Variants in FHIP1A observed in about 807,000 individuals in gnomAD.
FHIP1A encodes the protein FHF complex subunit HOOK-interacting protein 1A.
In FHIP1A, 61 loss-of-function variants were observed where a neutral mutation model predicts 88.6. That is an observed-to-expected ratio of 0.69 (90% CI 0.56 to 0.85). The LOEUF (loss-of-function observed/expected upper bound fraction) is 0.85, where lower values mean the gene tolerates loss of function less well. FHIP1A is among the 40% of genes least tolerant of loss of function. The pLI is 0.00. For synonymous variants in FHIP1A, 478 were observed against 496.0 expected (o/e 0.96, Z 0.48); for missense variants, 1,154 against 1,273.5 (o/e 0.91, Z 1.43).
chr4:151,586,516 C>T (rs1734219638), intron 5 of FHIP1A, 125 bp from the exon 6 acceptor site: 3 of 737,924 alleles, frequency 4.1e-6, no homozygotes, highest in Non-Finnish European at 4.3e-6. Flanking sequence ...GCTCTTATAC[C>T]TTTAATACCT....
At chr4:151,495,940 C>T (rs544072832) in intron 3 of FHIP1A, among the ~76,000 whole-genome samples, 1 of 152,116 alleles carries the variant, frequency 6.6e-6, no homozygotes, top group East Asian at 1.9e-4. Flanking sequence ...TCTTTTCTTA[C>T]AATGATTATA....
intron 1 of FHIP1A, among the ~76,000 whole-genome samples, chr4:151,421,225 T>A (rs1252555441): frequency 2.6e-5 from 4 of 152,206 alleles, no homozygotes; most frequent in Non-Finnish European, 5.9e-5. Flanking sequence ...AGCTGTGTGT[T>A]CCCAGGAAAT....
intron 3 of FHIP1A, among the ~76,000 whole-genome samples, chr4:151,551,204 G>A (rs1022525809): frequency 1.3e-5 from 2 of 152,144 alleles, no homozygotes; most frequent in Non-Finnish European, 2.9e-5. Context: ...TGGACAAAAG[G>A]TCATCAGATA....
At chr4:151,583,337 T>A (rs939652868) in intron 5 of FHIP1A, among the ~76,000 whole-genome samples, 2 of 152,260 alleles carry the variant, frequency 1.3e-5, no homozygotes, top group Non-Finnish European at 2.9e-5. Flanking sequence ...TGGCAGGACT[T>A]CTTATTCAGC....
chr4:151,475,571 A>G (rs1729668881), intron 2 of FHIP1A, among the ~76,000 whole-genome samples: 1 of 152,016 alleles, frequency 6.6e-6, no homozygotes, highest in Admixed American at 6.6e-5. Flanking sequence ...TGAGGTGAGA[A>G]CAAGCTTGGT....
intron 7 of FHIP1A, among the ~76,000 whole-genome samples, chr4:151,592,279 C>T (rs1177198358): frequency 2.0e-5 from 3 of 152,068 alleles, no homozygotes; most frequent in South Asian, 2.1e-4. Context: ...GGACCACAGG[C>T]GCCCGCCACC....
At position 151,578,094 on chromosome 4, in the gene FHIP1A, G is replaced by A. The variant is rs1733875413; in HGVS notation, c.732+18G>A. The A allele has an allele frequency of 1.9e-6, 3 of 1,540,358 alleles. No individual in the cohort carries two copies. The highest frequency in any genetic ancestry group is 1.4e-5 in the African/African-American group (1 of 72,390). On this transcript the variant is annotated intron_variant, in intron 5 of 13. Coordinates refer to ENST00000435205, the MANE Select transcript of FHIP1A (RefSeq NM_001109977.3). ...TTTGTCCAGTAAGTCTCTTTCCTTG[G>A]CATGTTTTCCACTCACTCCCTTTTT...
At chr4:151,611,726 G>A (rs1423853995) in intron 7 of FHIP1A, among the ~76,000 whole-genome samples, 1 of 152,178 alleles carries the variant, frequency 6.6e-6, no homozygotes, top group Non-Finnish European at 1.5e-5. Flanking sequence ...TCATGGAGGA[G>A]CAAAGGTGAG....
intron 4 of FHIP1A, among the ~76,000 whole-genome samples, chr4:151,575,496 C>G (rs1733753907): frequency 6.6e-6 from 1 of 152,054 alleles, no homozygotes; most frequent in South Asian, 2.1e-4. Flanking sequence ...AGTGGGTGCA[C>G]TTTGGAGTCA....
At chr4:151,423,274 A>G (rs1023679775) in intron 1 of FHIP1A, among the ~76,000 whole-genome samples, 2 of 152,060 alleles carry the variant, frequency 1.3e-5, no homozygotes, top group Non-Finnish European at 2.9e-5. Context: ...TAACTTTATC[A>G]AGATGCTGAT....
At chr4:151,483,775 T>C (rs1268111746) in intron 3 of FHIP1A, among the ~76,000 whole-genome samples, 1 of 152,154 alleles carries the variant, frequency 6.6e-6, no homozygotes, top group Non-Finnish European at 1.5e-5. Flanking sequence ...CCCCCTAGTC[T>C]TCCAAGTCTA....
At chr4:151,485,667 C>A (rs1730058063) in intron 3 of FHIP1A, among the ~76,000 whole-genome samples, 1 of 151,558 alleles carries the variant, frequency 6.6e-6, no homozygotes, top group Non-Finnish European at 1.5e-5. Context: ...TCTTGGCTCA[C>A]TGAAGCTTTG....
intron 7 of FHIP1A, among the ~76,000 whole-genome samples, chr4:151,616,444 CTTTTTTTTTTTT>C (rs763599410): frequency 5.3e-5 from 6 of 113,388 alleles, no homozygotes; most frequent in African/African-American, 1.7e-4. Flanking sequence ...TTCTTTCTTT[CTTTTTTTTTTTT>C]TTTTTTTTTT....
At position 151,656,802 on chromosome 4, in the gene FHIP1A, G is replaced by A. The variant is rs1211952753; in HGVS notation, c.2773G>A (p.Val925Met). The part of the protein sequence containing the change: ...VKNKIEQFAS[V>M]ERDFPGLLIQ... ...AAACAAGATTGAACAGTTTGCTTCT[G>A]TGGAGAGAGACTTCCCAGGGCTCCT... is the stretch of plus-strand genomic sequence containing the variant. Residue 925 changes from valine (V) to methionine (M), a missense_variant, in exon 13 of 14, where the codon GTG becomes ATG. Physicochemically the swap from Val to Met is conservative, Grantham distance 21 (BLOSUM62 1). Transcript: ENST00000435205. The surrounding 1 kb of genome is among the most constrained non-coding windows in gnomAD (Gnocchi z 4.2). 2 of 1,551,686 alleles carry A rather than the reference G, an allele frequency of 1.3e-6. No individual in the cohort carries two copies. The highest frequency in any genetic ancestry group is 1.7e-6 in the Non-Finnish European group (2 of 1,146,984).
At chr4:151,440,594 G>T (rs1728372188) in intron 1 of FHIP1A, among the ~76,000 whole-genome samples, 2 of 152,090 alleles carry the variant, frequency 1.3e-5, no homozygotes, top group Non-Finnish European at 1.5e-5. Flanking sequence ...AAAATTCAGT[G>T]ATTTTCAAGG....
rs73862081 is a variant in FHIP1A, at chr4:151,664,292, C to T, written c.*1538C>T. ...CTTTCATGCACAGGCAGGGCAGTGG[C>T]GGAAGAACCACACCTGCAATGCTGT... On this transcript the variant is annotated 3_prime_UTR_variant, in exon 14 of 14. Coordinates refer to ENST00000435205, the MANE Select transcript of FHIP1A (RefSeq NM_001109977.3). Among the ~76,000 whole-genome samples, 2,029 of 152,180 alleles carry T rather than the reference C, an allele frequency of 0.013. 35 individuals are homozygous for T. Among genetic ancestry groups the T allele is most frequent in the African/African-American group, 0.047 (1,935 of 41,500 alleles).
chr4:151,486,932 C>T (rs1351773830), intron 3 of FHIP1A, among the ~76,000 whole-genome samples: 4 of 150,104 alleles, frequency 2.7e-5, no homozygotes, highest in African/African-American at 9.8e-5. Context: ...TGCGCCACTG[C>T]ACTCCAGCCT....
chr4:151,464,962 A>C (rs1729259244), intron 2 of FHIP1A, among the ~76,000 whole-genome samples: 2 of 152,168 alleles, frequency 1.3e-5, no homozygotes, highest in African/African-American at 4.8e-5. Context: ...TAATCCCAGC[A>C]CTTCGGGAGG....
intron 11 of FHIP1A, among the ~76,000 whole-genome samples, chr4:151,651,409 GAAGGC>G (rs1469909853): frequency 6.6e-6 from 1 of 152,230 alleles, no homozygotes; most frequent in Non-Finnish European, 1.5e-5. Flanking sequence ...TAAGCTCAGG[GAAGGC>G]CAGGGTGGGA....
Sources: gnomAD v4.1 joint callset for allele counts (sites outside exome capture counted in the v4.1 genomes callset) on GRCh38, gnomAD v4.1.1 for gene constraint, Gnocchi (gnomAD v3.1) non-coding constraint, MANE v1.5 for transcripts, NCBI Gene and HGNC (gene_info 2026-07-23, HGNC 2026-07-21) for gene names.